Variants in PIK3C2G observed in about 807,000 individuals in gnomAD.
The protein encoded by PIK3C2G is phosphatidylinositol 3-kinase C2 domain-containing subunit gamma.
In PIK3C2G, 168 loss-of-function variants were observed where a neutral mutation model predicts 181.1. That is an observed-to-expected ratio of 0.93 (90% confidence interval 0.82 to 1.05). The LOEUF (loss-of-function observed/expected upper bound fraction) is 1.05, where lower values mean the gene tolerates loss of function less well. Among genes scored for constraint, PIK3C2G ranks in the 50% least tolerant of loss-of-function variants. The pLI is 0.00. For missense variants in PIK3C2G, 1,869 were observed against 1,732.8 expected, an observed-to-expected ratio of 1.08 and a Z score of -1.40; for synonymous variants, 573 against 592.2, an observed-to-expected ratio of 0.97 and a Z score of 0.47.
intron 15 of PIK3C2G, 27 bp downstream of exon 15, chr12:18,391,279 A>G: frequency 6.5e-7 from 1 of 1,528,950 alleles, no homozygotes; most frequent in Non-Finnish European, 8.8e-7. Flanking sequence ...TTGTGAATGA[A>G]TTTTTGCCTG....
intron 18 of PIK3C2G, among the ~76,000 whole-genome samples, chr12:18,485,553 T>C (rs1325049167): frequency 6.6e-6 from 1 of 152,184 alleles, no homozygotes; most frequent in East Asian, 1.9e-4. Flanking sequence ...TTCATCCTCA[T>C]TTTAATGTTG....
chr12:18,290,918 T>C lies in PIK3C2G; in HGVS notation c.825T>C (p.Thr275=). ...ATTCTGGGAAGATCTGGAGCACTAC[T>C]ACAGCATTTCCGTATCAGCTCTTTT... ...NFNSGKIWST[T]TAFPYQLFSK... The change falls in exon 4 of 33, where the codon ACT becomes ACC. Residue 275 remains threonine (T), a synonymous_variant. Coordinates refer to ENST00000538779, the MANE Select transcript of PIK3C2G (RefSeq NM_001288772.2). The C allele has an allele frequency of 6.3e-7, 1 of 1,593,322 alleles. No homozygotes were observed. The highest frequency in any genetic ancestry group is 1.7e-4 in the Middle Eastern group (1 of 6,026).
chr12:18,388,523 C>T (rs1027726988), intron 14 of PIK3C2G, among the ~76,000 whole-genome samples: 2 of 152,206 alleles, frequency 1.3e-5, no homozygotes, highest in Admixed American at 6.5e-5. Context: ...GATCTGTCTG[C>T]CTCAGTCTCC....
At chr12:18,277,500 A>G (rs1949033073) in intron 1 of PIK3C2G, among the ~76,000 whole-genome samples, 1 of 152,124 alleles carries the variant, frequency 6.6e-6, no homozygotes, top group South Asian at 2.1e-4. Flanking sequence ...CTCCCATGAC[A>G]TTTATATAAA....
At chr12:18,317,818 ATC>A (rs1451065978) in intron 6 of PIK3C2G, among the ~76,000 whole-genome samples, 2 of 152,202 alleles carry the variant, frequency 1.3e-5, no homozygotes, top group Non-Finnish European at 2.9e-5. Flanking sequence ...AAATTGTTAA[ATC>A]TCTGTTTAAT....
In PIK3C2G at chr12:18,634,800, T is replaced by G. The variant is rs564348557; in HGVS notation, c.4183-5629T>G. ...CCACAGAATGGCTCATCTTATCCAC[T>G]TCATTATTAAAATCTTCTGATGAAG... On this transcript the variant is annotated intron_variant, in intron 31 of 32. Coordinates refer to ENST00000538779, the MANE Select transcript of PIK3C2G (RefSeq NM_001288772.2). Among the ~76,000 whole-genome samples, 10 of 152,186 alleles carry G rather than the reference T, an allele frequency of 6.6e-5. No individual in the cohort carries two copies. The South Asian group carries it at 2.1e-3, about 32-fold the overall frequency.
At chr12:18,257,449 C>T (rs530703583), upstream of PIK3C2G, among the ~76,000 whole-genome samples, 1 of 152,208 alleles carries the variant, frequency 6.6e-6, no homozygotes, top group East Asian at 1.9e-4. Context: ...GGACTGAGAT[C>T]ACCACTGGGA....
intron 18 of PIK3C2G, among the ~76,000 whole-genome samples, chr12:18,467,457 G>T (rs1048622042): frequency 6.6e-6 from 1 of 150,688 alleles, no homozygotes; most frequent in African/African-American, 2.4e-5. Flanking sequence ...ACATTTAAAA[G>T]AGTTTGTTTT....
At chr12:18,692,673 A>G in the PIK3C2G span, 124 of 674,612 alleles carry the variant, frequency 1.8e-4, no homozygotes, top group Admixed American at 3.1e-4. Context: ...TCATTTCTAC[A>G]TTGAAATCAG....
intron 24 of PIK3C2G, among the ~76,000 whole-genome samples, chr12:18,529,352 C>CT (rs1462632086): frequency 2.6e-5 from 4 of 151,964 alleles, no homozygotes; most frequent in South Asian, 2.1e-4. Context: ...ATTTTTCTTA[C>CT]TTTTTTAAAA....
intron 24 of PIK3C2G, among the ~76,000 whole-genome samples, chr12:18,525,846 T>C (rs184865708): frequency 6.6e-6 from 1 of 152,332 alleles, no homozygotes; most frequent in Admixed American, 6.5e-5. Flanking sequence ...CAACCTCTGT[T>C]CTTTTCCTAT....
chr12:18,415,908 C>T (rs558455431), intron 16 of PIK3C2G, among the ~76,000 whole-genome samples: 4 of 152,250 alleles, frequency 2.6e-5, no homozygotes, highest in Admixed American at 6.5e-5. Context: ...GATGAGGAAA[C>T]TGCAGAAGAA....
rs199734740 is a variant in PIK3C2G, at chr12:18,416,377, T to C, written c.2316-4564T>C. ...TATCCATAAGATCCAGCTAAGGTCA[T>C]TGAAGACTGTGGCTACACTAAGCAA... On this transcript the variant is annotated intron_variant, in intron 16 of 32. Transcript: ENST00000538779. 1.7e-4 allele frequency among the ~76,000 whole-genome samples: 26 copies of C among 152,336 alleles called. No homozygotes were observed. The East Asian group carries it at 3.3e-3, about 19-fold the overall frequency.
chr12:18,723,191 C>A, the PIK3C2G span: 49 of 863,114 alleles, frequency 5.7e-5, no homozygotes, highest in Non-Finnish European at 8.2e-5. Flanking sequence ...TTGACCCATC[C>A]AAAAACGGTA....
intron 24 of PIK3C2G, among the ~76,000 whole-genome samples, chr12:18,525,844 G>C (rs934041360): frequency 2.0e-5 from 3 of 152,044 alleles, no homozygotes; most frequent in African/African-American, 7.2e-5. Flanking sequence ...ATCAACCTCT[G>C]TTCTTTTCCT....
At chr12:18,524,004 C>T (rs1943075341) in intron 24 of PIK3C2G, among the ~76,000 whole-genome samples, 2 of 152,164 alleles carry the variant, frequency 1.3e-5, no homozygotes, top group South Asian at 2.1e-4. Flanking sequence ...TGGTATGGCA[C>T]CTCCACTGGC....
intron 6 of PIK3C2G, among the ~76,000 whole-genome samples, chr12:18,316,080 A>T (rs1352257531): frequency 6.6e-6 from 1 of 152,136 alleles, no homozygotes; most frequent in East Asian, 1.9e-4. Flanking sequence ...AATTGACAGT[A>T]ACCCAAGAGC....
chr12:18,704,091 G>A, the PIK3C2G span, among the ~76,000 whole-genome samples: 1 of 152,176 alleles, frequency 6.6e-6, no homozygotes, highest in Non-Finnish European at 1.5e-5. Flanking sequence ...GCTAAAGAAT[G>A]TGGTGTTACA....
chr12:18,697,152 G>A, the PIK3C2G span, among the ~76,000 whole-genome samples: 3 of 152,106 alleles, frequency 2.0e-5, no homozygotes, highest in East Asian at 1.9e-4. Context: ...CATTCCTGCT[G>A]ATATAGTGAC....
Sources: allele counts gnomAD v4.1 joint callset (sites outside exome capture counted in the v4.1 genomes callset), GRCh38; gene constraint gnomAD v4.1.1; transcripts MANE v1.5; gene names NCBI Gene and HGNC (gene_info 2026-07-23, HGNC 2026-07-21).